Variants in RBFOX1 observed in about 807,000 individuals in gnomAD.
RBFOX1 encodes RNA binding fox-1 homolog 1.
A neutral mutation model predicts 57.7 loss-of-function variants in RBFOX1; 8 were observed. The ratio of observed to expected loss-of-function variants is 0.14; its 90% confidence interval spans 0.08 to 0.25. RBFOX1 has a LOEUF of 0.25. Among genes scored for constraint, RBFOX1 ranks in the 10% least tolerant of loss-of-function variants. RBFOX1 has a pLI of 1.00. For synonymous variants in RBFOX1, 326 were observed against 222.4 expected (o/e 1.47, Z -4.15); for missense variants, 611 against 548.5 (o/e 1.11, Z -1.14).
At chr16:5,744,161 C>T (rs1391098071) in intron 3 of RBFOX1, among the ~76,000 whole-genome samples, 1 of 152,028 alleles carries the variant, frequency 6.6e-6, no homozygotes, top group African/African-American at 2.4e-5. Flanking sequence ...GTGCTATGTT[C>T]CCCATCTGGA....
chr16:6,776,239 G>T (rs989194292), intron 3 of RBFOX1, among the ~76,000 whole-genome samples: 2 of 151,806 alleles, frequency 1.3e-5, no homozygotes, highest in African/African-American at 4.8e-5. Context: ...GTGAAACCCA[G>T]TCTCTACTAA....
intron 2 of RBFOX1, among the ~76,000 whole-genome samples, chr16:5,578,832 C>CAT (rs1392925304): frequency 1.4e-5 from 2 of 139,470 alleles, no homozygotes; most frequent in East Asian, 4.3e-4. Context: ...CCTCCACACA[C>CAT]ACACACACAC....
chr16:6,201,987 A>G (rs1415010505), intron 1 of RBFOX1, among the ~76,000 whole-genome samples: 2 of 152,204 alleles, frequency 1.3e-5, no homozygotes, highest in African/African-American at 4.8e-5. Flanking sequence ...TGAACATGTC[A>G]GAGTATTGGA....
At chr16:7,553,061 C>CTCCT (rs761274739) in intron 5 of RBFOX1, among the ~76,000 whole-genome samples, 8 of 151,630 alleles carry the variant, frequency 5.3e-5, no homozygotes, top group Non-Finnish European at 1.0e-4. Flanking sequence ...AAGGTATGTG[C>CTCCT]TCCTTCCTTC....
chr16:6,255,919 T>A (rs2097658425), intron 1 of RBFOX1, among the ~76,000 whole-genome samples: 2 of 151,264 alleles, frequency 1.3e-5, no homozygotes. Context: ...AGGGAGAGCG[T>A]TAGGACAAAT....
chr16:6,680,498 C>G (rs1412575121), intron 3 of RBFOX1, among the ~76,000 whole-genome samples: 1 of 152,114 alleles, frequency 6.6e-6, no homozygotes, highest in Non-Finnish European at 1.5e-5. Flanking sequence ...CTCCTGACCT[C>G]ATGATCCGCC....
At chr16:6,053,387 G>A (rs562927882) in intron 1 of RBFOX1, among the ~76,000 whole-genome samples, 7 of 152,258 alleles carry the variant, frequency 4.6e-5, no homozygotes, top group African/African-American at 1.4e-4. Flanking sequence ...GGATTGTATT[G>A]GACAGAGGGG....
chr16:6,219,117 C>G (rs995493397), intron 1 of RBFOX1, among the ~76,000 whole-genome samples: 1 of 152,130 alleles, frequency 6.6e-6, no homozygotes, highest in African/African-American at 2.4e-5. Flanking sequence ...GAGCAAAGGT[C>G]ACAATCTGTG....
intron 3 of RBFOX1, among the ~76,000 whole-genome samples, chr16:6,741,484 C>T (rs532642043): frequency 2.4e-4 from 36 of 151,860 alleles, no homozygotes; most frequent in Admixed American, 9.2e-4. Context: ...GCTAACATGG[C>T]GAAACCCTGT....
chr16:7,069,316 C>G (rs1402546604), intron 4 of RBFOX1, among the ~76,000 whole-genome samples: 2 of 152,132 alleles, frequency 1.3e-5, no homozygotes, highest in Non-Finnish European at 2.9e-5. Context: ...TTAAGCCCTG[C>G]GTGCATTAGC....
intron 12 of RBFOX1, among the ~76,000 whole-genome samples, chr16:7,654,289 G>A (rs1434008816): frequency 6.6e-6 from 1 of 152,170 alleles, no homozygotes; most frequent in Non-Finnish European, 1.5e-5. Flanking sequence ...AAGGAGGTTG[G>A]ACCACATTTG....
At position 7,168,289 on chromosome 16, in the gene RBFOX1, A is replaced by G. The variant is rs535850210; in HGVS notation, c.27+116191A>G. Among the ~76,000 whole-genome samples, 187 of 151,908 alleles carry G rather than the reference A, an allele frequency of 1.2e-3. 1 individual carries two copies. Among genetic ancestry groups the G allele is most frequent in the African/African-American group, 4.4e-3 (183 of 41,480 alleles). On this transcript the variant is annotated intron_variant, in intron 4 of 15. Transcript: ENST00000550418. ...CTGAGTGGGTTTTCTTCTTCTCAGC[A>G]TGAAATGGACCAAGGTCTGTTTTGC...
intron 3 of RBFOX1, among the ~76,000 whole-genome samples, chr16:5,626,293 C>A (rs1245393700): frequency 1.3e-5 from 2 of 152,174 alleles, no homozygotes; most frequent in African/African-American, 4.8e-5. Flanking sequence ...TCTGCAGCCT[C>A]CCTCCTTGGC....
intron 4 of RBFOX1, among the ~76,000 whole-genome samples, chr16:7,333,455 A>G (rs1273997229): frequency 6.6e-6 from 1 of 152,200 alleles, no homozygotes; most frequent in Non-Finnish European, 1.5e-5. Context: ...GAGGTGACTC[A>G]GTTAAGAGCT....
chr16:5,931,915 C>T (rs558640518), intron 4 of RBFOX1, among the ~76,000 whole-genome samples: 8 of 152,282 alleles, frequency 5.3e-5, no homozygotes, highest in South Asian at 4.1e-4. Flanking sequence ...TCGAGCATTC[C>T]ACCCACTTCA....
chr16:6,037,348 G>A (rs933575829), intron 1 of RBFOX1: 3 of 151,942 alleles, frequency 2.0e-5, no homozygotes, highest in Non-Finnish European at 4.4e-5. Context: ...GAGTTTTTGC[G>A]GGAGAATATT....
chr16:6,079,655 G>A (rs2095968941), intron 1 of RBFOX1, among the ~76,000 whole-genome samples: 1 of 151,914 alleles, frequency 6.6e-6, no homozygotes, highest in African/African-American at 2.4e-5. Context: ...GACAACACAG[G>A]GAGACCCCGT....
chr16:6,352,228 T>G (rs2086537126), intron 2 of RBFOX1, among the ~76,000 whole-genome samples: 1 of 152,182 alleles, frequency 6.6e-6, no homozygotes, highest in African/African-American at 2.4e-5. Flanking sequence ...ATCTGGAATG[T>G]TGTGTATTAA....
intron 4 of RBFOX1, among the ~76,000 whole-genome samples, chr16:7,351,313 T>G (rs1439543709): frequency 6.6e-6 from 1 of 152,238 alleles, no homozygotes; most frequent in African/African-American, 2.4e-5. Flanking sequence ...AGTAGAAAGG[T>G]TATTACGCAT....
Sources: allele counts gnomAD v4.1 joint callset (sites outside exome capture counted in the v4.1 genomes callset), GRCh38; gene constraint gnomAD v4.1.1; transcripts MANE v1.5; gene names NCBI Gene and HGNC (gene_info 2026-07-23, HGNC 2026-07-21).